The following KLHL18 variants were observed in gnomAD, a reference collection of about 807,000 sequenced individuals.
KLHL18 encodes kelch like family member 18.
A neutral mutation model predicts 58.5 loss-of-function variants in KLHL18; 38 were observed. That is an observed-to-expected ratio of 0.65 (90% CI 0.50 to 0.85). The LOEUF (loss-of-function observed/expected upper bound fraction) is 0.85. Among genes scored for constraint, KLHL18 ranks in the 40% least tolerant of loss-of-function variants. The probability of loss-of-function intolerance (pLI) is 0.00; values close to 1 mark genes in which losing one functional copy is unlikely to be tolerated. For missense variants in KLHL18, 624 were observed against 778.4 expected (o/e 0.80, Z 2.36); for synonymous variants, 303 against 301.9 (o/e 1.00, Z -0.04).
chr3:47,316,475 ATATATATACATATATACATATATAT>A (rs1703425550), intron 1 of KLHL18, among the ~76,000 whole-genome samples: 1 of 70,636 alleles, frequency 1.4e-5, no homozygotes. Context: ...ATATATATGT[ATATATATACATATATACATATATAT>A]GTATATATAT....
At position 47,334,454 on chromosome 3, in the gene KLHL18, C is replaced by G. The variant is rs536157424; in HGVS notation, c.762-229C>G. ...TTGTTTTTCTCATGCCTAATCTACA[C>G]TAGCTGAGGTGGTCTTTGCTTGTCT... On this transcript the variant is annotated intron_variant, in intron 5 of 9. Transcript: ENST00000232766. This position sits in a 1 kb window ranked among gnomAD's most constrained non-coding sequence, Gnocchi z 4.7. 1.3e-5 allele frequency among the ~76,000 whole-genome samples: 2 copies of G among 152,302 alleles called. No individual in the cohort carries two copies. The highest frequency in any genetic ancestry group is 4.1e-4 in the South Asian group (2 of 4,826).
intron 1 of KLHL18, among the ~76,000 whole-genome samples, chr3:47,285,979 G>T (rs1250379122): frequency 6.6e-6 from 1 of 151,814 alleles, no homozygotes. Context: ...GGCAGAGGCT[G>T]CAGTGAGCCG....
intron 1 of KLHL18, among the ~76,000 whole-genome samples, chr3:47,291,826 G>A (rs1413648225): frequency 6.6e-6 from 1 of 152,246 alleles, no homozygotes; most frequent in East Asian, 1.9e-4. Context: ...TACTACAGGT[G>A]ATCATGGGAC....
chr3:47,310,421 T>A (rs2107611441), intron 1 of KLHL18, among the ~76,000 whole-genome samples: 1 of 152,364 alleles, frequency 6.6e-6, no homozygotes, highest in South Asian at 2.1e-4. Flanking sequence ...TACTAGGTGA[T>A]CTTTAGATGT....
intron 1 of KLHL18, 145 bp from the exon 2 acceptor site, chr3:47,319,508 A>G: frequency 1.4e-6 from 1 of 735,598 alleles, no homozygotes; most frequent in South Asian, 1.8e-5. Context: ...CTTGGCCTCC[A>G]TGCCCTGGGA....
chr3:47,303,869 C>T (rs1459991805), intron 1 of KLHL18, among the ~76,000 whole-genome samples: 2 of 151,324 alleles, frequency 1.3e-5, no homozygotes, highest in African/African-American at 4.9e-5. Context: ...ACTACAGGCA[C>T]ATGCCACTAT....
chr3:47,309,112 C>T (rs1054162572), intron 1 of KLHL18, among the ~76,000 whole-genome samples: 5 of 152,208 alleles, frequency 3.3e-5, no homozygotes, highest in South Asian at 2.1e-4. Context: ...AACAGCATCC[C>T]GAGGCAGAAG....
intron 4 of KLHL18, among the ~76,000 whole-genome samples, chr3:47,332,263 G>A (rs918223067): frequency 6.6e-6 from 1 of 152,108 alleles, no homozygotes; most frequent in Non-Finnish European, 1.5e-5. Flanking sequence ...GGCTGAGGTG[G>A]GAGGATTGCT....
At chr3:47,332,655 C>T (rs1324688766) in intron 4 of KLHL18, among the ~76,000 whole-genome samples, 2 of 151,890 alleles carry the variant, frequency 1.3e-5, no homozygotes, top group African/African-American at 4.8e-5. Flanking sequence ...GGCTGTAGGG[C>T]TTTAGAGGGA....
intron 1 of KLHL18, among the ~76,000 whole-genome samples, chr3:47,310,701 C>T (rs2107611934): frequency 6.6e-6 from 1 of 152,298 alleles, no homozygotes; most frequent in East Asian, 1.9e-4. Context: ...GTATATGGCA[C>T]CTCCACATGC....
chr3:47,312,580 G>A (rs2107615032), intron 1 of KLHL18, among the ~76,000 whole-genome samples: 1 of 152,324 alleles, frequency 6.6e-6, no homozygotes, highest in South Asian at 2.1e-4. Flanking sequence ...AGTGGAGAAA[G>A]TGGCCTTTGC....
chr3:47,306,393 G>T (rs1703149389), intron 1 of KLHL18, among the ~76,000 whole-genome samples: 1 of 152,094 alleles, frequency 6.6e-6, no homozygotes, highest in African/African-American at 2.4e-5. Context: ...CATTGTAAGA[G>T]AGGAAACATT....
intron 7 of KLHL18, chr3:47,337,346 C>T (rs1162917217): frequency 6.3e-6 from 1 of 157,946 alleles, no homozygotes; most frequent in African/African-American, 2.4e-5. Context: ...TACATTCTAG[C>T]TACCTGCTCT....
intron 1 of KLHL18, among the ~76,000 whole-genome samples, chr3:47,300,863 T>G (rs1209189619): frequency 6.6e-6 from 1 of 152,040 alleles, no homozygotes; most frequent in Non-Finnish European, 1.5e-5. Flanking sequence ...GGTCTCGAAC[T>G]CCTGACCTCA....
intron 2 of KLHL18, among the ~76,000 whole-genome samples, chr3:47,321,502 A>G (rs1241787206): frequency 1.3e-5 from 2 of 152,044 alleles, no homozygotes; most frequent in African/African-American, 4.8e-5. Flanking sequence ...GGCTCATGCC[A>G]CCACGCCCGG....
At chr3:47,290,742 A>G (rs1235911827) in intron 1 of KLHL18, among the ~76,000 whole-genome samples, 22 of 152,194 alleles carry the variant, frequency 1.4e-4, no homozygotes, top group Non-Finnish European at 1.5e-5. Context: ...GATTACAGGC[A>G]TGAACCACCA....
chr3:47,342,837 C>T lies in KLHL18; in HGVS notation c.1338+7C>T. ...TTTGCAGATCTTCAGCAGTGTGAGT[C>T]TGGGCTCCCCCTGGGATAAGGGTAC... On this transcript the variant is annotated splice_region_variant and intron_variant, in intron 9 of 9. Coordinates refer to ENST00000232766, the MANE Select transcript of KLHL18 (RefSeq NM_025010.5). The T allele has an allele frequency of 6.3e-7, 1 of 1,596,908 alleles. No individual in the cohort carries two copies. Among genetic ancestry groups the T allele is most frequent in the Non-Finnish European group, 8.6e-7 (1 of 1,164,256 alleles).
In KLHL18 at chr3:47,322,170, T is replaced by A. The variant is rs933064010; in HGVS notation, c.261-398T>A. Among the ~76,000 whole-genome samples the A allele has an allele frequency of 2.0e-5, 3 of 152,232 alleles. No homozygotes were observed. In the South Asian group the frequency reaches 6.2e-4, roughly 31 times the overall value. ...CCAATAAAGGAAATAAATGATAGCA[T>A]ATTTGCATGTTGAAATATTATATAG... On this transcript the variant is annotated intron_variant, in intron 2 of 9. Transcript: ENST00000232766.
intron 1 of KLHL18, among the ~76,000 whole-genome samples, chr3:47,304,991 TCTTAA>T (rs1026139860): frequency 6.6e-6 from 1 of 151,334 alleles, no homozygotes; most frequent in Non-Finnish European, 1.5e-5. Flanking sequence ...ATCACTGCAC[TCTTAA>T]CTTGGGTGAC....
Sources: gnomAD v4.1 joint callset for allele counts (sites outside exome capture counted in the v4.1 genomes callset) on GRCh38, gnomAD v4.1.1 for gene constraint, Gnocchi (gnomAD v3.1) non-coding constraint, MANE v1.5 for transcripts, NCBI Gene and HGNC (gene_info 2026-07-23, HGNC 2026-07-21) for gene names.